Variants in SH3PXD2A observed in about 807,000 individuals in gnomAD.
SH3PXD2A encodes SH3 and PX domains 2A, also known as SH3 and PX domain-containing protein 2A.
A neutral mutation model predicts 115.2 loss-of-function variants in SH3PXD2A; 32 were observed. The observed-to-expected ratio is 0.28, with a 90% CI of 0.21 to 0.37. The LOEUF (loss-of-function observed/expected upper bound fraction) is 0.37. Among genes scored for constraint, SH3PXD2A ranks in the 10% least tolerant of loss-of-function variants. The pLI is 1.00. For missense variants in SH3PXD2A, 1,328 were observed against 1,498.7 expected (o/e 0.89, Z 1.88); for synonymous variants, 610 against 629.1 (o/e 0.97, Z 0.45).
chr10:103,670,442 G>A lies in SH3PXD2A; in HGVS notation c.428-1790C>T, dbSNP rs142219647. On this transcript the variant is annotated intron_variant, in intron 6 of 14. Coordinates refer to ENST00000369774, the MANE Select transcript of SH3PXD2A (RefSeq NM_001394015.1). ...AGTCAGTGCTTGATAATGGTTAGCC[G>A]CCACTGGCAGTAACTCCCATGAACG... 1.6e-3 allele frequency among the ~76,000 whole-genome samples: 239 copies of A among 152,280 alleles called. 4 individuals are homozygous for A. In the East Asian group the frequency reaches 0.039, roughly 25 times the overall value.
At chr10:103,768,051 A>G (rs1052847966) in intron 2 of SH3PXD2A, among the ~76,000 whole-genome samples, 10 of 152,176 alleles carry the variant, frequency 6.6e-5, no homozygotes, top group Non-Finnish European at 1.0e-4. Flanking sequence ...AATGAGAAGG[A>G]TCAGTCACAT....
intron 1 of SH3PXD2A, among the ~76,000 whole-genome samples, chr10:103,804,545 ATCT>A (rs1182139186): frequency 6.6e-6 from 1 of 151,794 alleles, no homozygotes; most frequent in East Asian, 1.9e-4. Flanking sequence ...GATGGTCTCG[ATCT>A]TCTCACCTCG....
intron 6 of SH3PXD2A, among the ~76,000 whole-genome samples, chr10:103,683,587 A>G (rs941440736): frequency 6.6e-6 from 1 of 152,112 alleles, no homozygotes; most frequent in Non-Finnish European, 1.5e-5. Context: ...GCTTGAGCCC[A>G]GGAATTTAAG....
At chr10:103,691,735 A>C (rs113292096) in intron 6 of SH3PXD2A, among the ~76,000 whole-genome samples, 6 of 152,176 alleles carry the variant, frequency 3.9e-5, no homozygotes, top group African/African-American at 1.2e-4. Flanking sequence ...CCATAACCAG[A>C]TATATCTCAA....
chr10:103,669,587 A>G (rs545617293), intron 6 of SH3PXD2A, among the ~76,000 whole-genome samples: 14 of 152,256 alleles, frequency 9.2e-5, no homozygotes, highest in Non-Finnish European at 2.1e-4. Flanking sequence ...TGGCAACCCC[A>G]TCAAGTGGGT....
At chr10:103,643,198 C>A (rs2036980224) in intron 8 of SH3PXD2A, among the ~76,000 whole-genome samples, 1 of 152,152 alleles carries the variant, frequency 6.6e-6, no homozygotes, top group South Asian at 2.1e-4. Flanking sequence ...CTTTTCCAGG[C>A]TCCTTTCCCA....
intron 1 of SH3PXD2A, among the ~76,000 whole-genome samples, chr10:103,852,234 T>C (rs1244601899): frequency 6.6e-6 from 1 of 152,206 alleles, no homozygotes; most frequent in Admixed American, 6.5e-5. Flanking sequence ...CAGGGCTGAG[T>C]GCCATCCCCA....
At chr10:103,672,669 C>CA (rs2037479382) in intron 6 of SH3PXD2A, among the ~76,000 whole-genome samples, 1 of 152,242 alleles carries the variant, frequency 6.6e-6, no homozygotes, top group Non-Finnish European at 1.5e-5. Context: ...GTTCCTTCTT[C>CA]TGTAAACGGG....
chr10:103,852,118 G>A (rs1480502565), intron 1 of SH3PXD2A, among the ~76,000 whole-genome samples: 1 of 152,222 alleles, frequency 6.6e-6, no homozygotes, highest in Non-Finnish European at 1.5e-5. Flanking sequence ...AGCTCAGAAA[G>A]CCAGGAAAGG....
At chr10:103,772,234 G>T (rs764815363) in intron 2 of SH3PXD2A, among the ~76,000 whole-genome samples, 22 of 152,212 alleles carry the variant, frequency 1.4e-4, no homozygotes, top group Non-Finnish European at 2.6e-4. Context: ...AGAGGGCCAG[G>T]CAGGCTGCAA....
chr10:103,706,608 G>C lies in SH3PXD2A; in HGVS notation c.399-13552C>G, dbSNP rs1055332858. ...AACTGTGTGTGTCTTGCCAGGCCCA[G>C]CACAGGGCTGGTTATAATCGTGTTT... On this transcript the variant is annotated intron_variant, in intron 5 of 14. Transcript: ENST00000369774. 2.0e-5 allele frequency among the ~76,000 whole-genome samples: 3 copies of C among 152,300 alleles called. No individual in the cohort carries two copies. The East Asian group carries it at 5.8e-4, about 29-fold the overall frequency.
intron 1 of SH3PXD2A, among the ~76,000 whole-genome samples, chr10:103,848,187 A>C (rs1842865890): frequency 7.6e-6 from 1 of 132,390 alleles, no homozygotes; most frequent in Non-Finnish European, 1.6e-5. Context: ...AGCAGCTGAC[A>C]CCTCACTTCC....
intron 1 of SH3PXD2A, among the ~76,000 whole-genome samples, chr10:103,840,304 T>C (rs1039992231): frequency 1.3e-5 from 2 of 152,104 alleles, no homozygotes; most frequent in Non-Finnish European, 2.9e-5. Context: ...CTTCCACCAA[T>C]AAACACATCG....
chr10:103,752,385 G>A (rs2038588634), intron 3 of SH3PXD2A, among the ~76,000 whole-genome samples: 1 of 152,222 alleles, frequency 6.6e-6, no homozygotes, highest in South Asian at 2.1e-4. Flanking sequence ...GGGACTATGA[G>A]AAAACCTAGA....
intron 2 of SH3PXD2A, among the ~76,000 whole-genome samples, chr10:103,776,718 C>T (rs2038883397): frequency 6.6e-6 from 1 of 152,020 alleles, no homozygotes; most frequent in African/African-American, 2.4e-5. Flanking sequence ...GCCTTCATCT[C>T]CACATGATGC....
At chr10:103,771,780 C>CACACACAG (rs1277885378) in intron 2 of SH3PXD2A, among the ~76,000 whole-genome samples, 2 of 149,926 alleles carry the variant, frequency 1.3e-5, no homozygotes, top group East Asian at 3.9e-4. Context: ...CACACACACA[C>CACACACAG]AGACACACAC....
At chr10:103,640,500 A>T (rs1000646417) in intron 8 of SH3PXD2A, among the ~76,000 whole-genome samples, 2 of 152,066 alleles carry the variant, frequency 1.3e-5, no homozygotes, top group African/African-American at 4.8e-5. Context: ...GACAGCATGG[A>T]CAGGCTGCCT....
intron 1 of SH3PXD2A, among the ~76,000 whole-genome samples, chr10:103,810,438 A>G (rs2039254821): frequency 6.6e-6 from 1 of 152,186 alleles, no homozygotes; most frequent in Admixed American, 6.5e-5. Context: ...CCGAGAAGTG[A>G]GCCTCAGAAG....
At chr10:103,657,392 T>C (rs2037227493) in intron 8 of SH3PXD2A, among the ~76,000 whole-genome samples, 1 of 152,194 alleles carries the variant, frequency 6.6e-6, no homozygotes, top group African/African-American at 2.4e-5. Flanking sequence ...GGGAAGCCAA[T>C]GCAGTATTTG....
Sources: gnomAD v4.1 joint callset for allele counts (sites outside exome capture counted in the v4.1 genomes callset) on GRCh38, gnomAD v4.1.1 for gene constraint, MANE v1.5 for transcripts, NCBI Gene and HGNC (gene_info 2026-07-23, HGNC 2026-07-21) for gene names.